The following CCDC171 variants were observed in gnomAD, a reference collection of about 807,000 sequenced individuals.
The protein encoded by CCDC171 is coiled-coil domain containing 171, also known as coiled-coil domain-containing protein 171.
CCDC171 carries 177 observed loss-of-function variants against 168.2 expected under a neutral mutation model. The observed-to-expected ratio is 1.05, with a 90% CI of 0.93 to 1.19. The LOEUF is 1.19. CCDC171 is among the 50% of genes most tolerant of loss of function. CCDC171 has a pLI of 0.00. For missense variants in CCDC171, 1,991 were observed against 1,539.0 expected, an observed-to-expected ratio of 1.29 and a Z score of -4.91; for synonymous variants, 687 against 540.8, an observed-to-expected ratio of 1.27 and a Z score of -3.75.
intron 3 of CCDC171, 48 bp downstream of exon 3, chr9:15,571,807 T>G: frequency 2.0e-6 from 3 of 1,514,092 alleles, no homozygotes; most frequent in Non-Finnish European, 2.7e-6. Flanking sequence ...GAGTTTGATT[T>G]TTTAGATTTA....
the CCDC171 span, among the ~76,000 whole-genome samples, chr9:16,107,376 G>A: frequency 6.6e-6 from 1 of 152,200 alleles, no homozygotes; most frequent in African/African-American, 2.4e-5. Context: ...ACGTATATCT[G>A]AGCTCTATAT....
intron 10 of CCDC171, among the ~76,000 whole-genome samples, chr9:15,685,600 A>C (rs1310555985): frequency 2.6e-5 from 4 of 152,114 alleles, no homozygotes; most frequent in South Asian, 4.1e-4. Context: ...ACACCAGTGC[A>C]TGCTAGCCTG....
At chr9:15,651,149 A>C (rs1415491203) in intron 7 of CCDC171, among the ~76,000 whole-genome samples, 1 of 150,302 alleles carries the variant, frequency 6.7e-6, no homozygotes, top group African/African-American at 2.5e-5. Context: ...TCACTGTCTC[A>C]CCCAGGCTGG....
the CCDC171 span, among the ~76,000 whole-genome samples, chr9:16,103,877 A>G: frequency 6.6e-6 from 1 of 152,216 alleles, no homozygotes; most frequent in African/African-American, 2.4e-5. Context: ...GACGTGTTCA[A>G]AACTGGAGGT....
At chr9:15,668,661 T>G (rs552927919) in intron 9 of CCDC171, among the ~76,000 whole-genome samples, 1 of 152,256 alleles carries the variant, frequency 6.6e-6, no homozygotes, top group South Asian at 2.1e-4. Flanking sequence ...TCCGTGTATG[T>G]GAAATGAAAG....
chr9:15,748,776 G>C (rs1215449640), intron 18 of CCDC171, among the ~76,000 whole-genome samples: 1 of 152,136 alleles, frequency 6.6e-6, no homozygotes, highest in African/African-American at 2.4e-5. Flanking sequence ...CAAATGCTGA[G>C]AGATTTTGTC....
chr9:15,802,150 A>T (rs1328742824), intron 21 of CCDC171, among the ~76,000 whole-genome samples: 1 of 151,790 alleles, frequency 6.6e-6, no homozygotes, highest in Non-Finnish European at 1.5e-5. Context: ...AAGTTTGATT[A>T]TGACAAATGT....
chr9:16,013,160 C>T (rs988897982), intron 3 of CCDC171, among the ~76,000 whole-genome samples: 6 of 152,152 alleles, frequency 3.9e-5, no homozygotes, highest in Admixed American at 2.0e-4. Context: ...GTATTCAAAA[C>T]CACAGAATAA....
At chr9:16,071,887 C>T in the CCDC171 span, among the ~76,000 whole-genome samples, 245 of 152,232 alleles carry the variant, frequency 1.6e-3, no homozygotes, top group Middle Eastern at 3.4e-3. Context: ...TGACCCAACC[C>T]CATAACCCCC....
chr9:15,743,301 A>C (rs2055023890), intron 16 of CCDC171, among the ~76,000 whole-genome samples: 2 of 151,264 alleles, frequency 1.3e-5, no homozygotes, highest in African/African-American at 4.9e-5. Context: ...GAGTAGCTGT[A>C]ACTATAGGTG....
intron 25 of CCDC171, among the ~76,000 whole-genome samples, chr9:15,961,610 C>T (rs978099487): frequency 6.6e-6 from 1 of 152,028 alleles, no homozygotes; most frequent in Non-Finnish European, 1.5e-5. Context: ...AAATCTTTTC[C>T]AAACATGAAA....
intron 25 of CCDC171, among the ~76,000 whole-genome samples, chr9:15,958,052 A>G (rs1225118682): frequency 6.6e-6 from 1 of 152,214 alleles, no homozygotes; most frequent in African/African-American, 2.4e-5. Context: ...GTTTAATATT[A>G]AAAGATGCCC....
intron 1 of CCDC171, among the ~76,000 whole-genome samples, chr9:16,051,555 C>T (rs898872823): frequency 2.0e-5 from 3 of 152,170 alleles, no homozygotes; most frequent in East Asian, 1.9e-4. Flanking sequence ...CTTTGAGGTA[C>T]GACCCATCCT....
chr9:15,734,331 G>A (rs1488196089), intron 16 of CCDC171, among the ~76,000 whole-genome samples: 1 of 152,160 alleles, frequency 6.6e-6, no homozygotes. Flanking sequence ...GAGGTCAGAA[G>A]TTTGAGACCA....
intron 7 of CCDC171, among the ~76,000 whole-genome samples, chr9:15,628,121 G>A (rs1345288155): frequency 6.6e-6 from 1 of 152,166 alleles, no homozygotes; most frequent in Non-Finnish European, 1.5e-5. Context: ...GGTGATTTCT[G>A]CATTTCCATC....
At chr9:16,064,919 C>T (rs1181139027), downstream of CCDC171, among the ~76,000 whole-genome samples, 1 of 152,212 alleles carries the variant, frequency 6.6e-6, no homozygotes, top group African/African-American at 2.4e-5. Context: ...ACACACAACA[C>T]CGCCCTTGTG....
At chr9:15,970,397 T>G (rs938653296) in intron 25 of CCDC171, among the ~76,000 whole-genome samples, 1 of 133,850 alleles carries the variant, frequency 7.5e-6, no homozygotes, top group Middle Eastern at 3.5e-3. Context: ...ACTAAAAAGT[T>G]TTTTTTTTTT....
intron 23 of CCDC171, among the ~76,000 whole-genome samples, chr9:15,863,896 G>T (rs527420397): frequency 7.0e-5 from 4 of 57,224 alleles, no homozygotes; most frequent in African/African-American, 2.9e-4. Context: ...TGCTCTAGTT[G>T]TTGTTTTGTA....
intron 7 of CCDC171, among the ~76,000 whole-genome samples, chr9:15,654,175 A>C (rs1431843804): frequency 6.6e-6 from 1 of 152,096 alleles, no homozygotes; most frequent in Non-Finnish European, 1.5e-5. Flanking sequence ...ACCCAAAAGG[A>C]TCATATTTGG....
Sources: gnomAD v4.1 joint callset for allele counts (sites outside exome capture counted in the v4.1 genomes callset) on GRCh38, gnomAD v4.1.1 for gene constraint, MANE v1.5 for transcripts, NCBI Gene and HGNC (gene_info 2026-07-23, HGNC 2026-07-21) for gene names.